Variants in MLLT10 observed in about 807,000 individuals in gnomAD.
MLLT10 encodes the protein MLLT10 histone lysine methyltransferase DOT1L cofactor, also known as protein AF-10.
A neutral mutation model predicts 129.1 loss-of-function variants in MLLT10; 30 were observed. The observed-to-expected ratio is 0.23, with a 90% CI of 0.17 to 0.32. The LOEUF (loss-of-function observed/expected upper bound fraction) is 0.32, where lower values mean the gene tolerates loss of function less well. Ranked by LOEUF, MLLT10 falls within the 10% of genes least tolerant of loss-of-function variation. The pLI, the probability that MLLT10 is intolerant of heterozygous loss-of-function variation, is 1.00. For synonymous variants in MLLT10, 490 were observed against 446.4 expected (o/e 1.10, Z -1.23); for missense variants, 1,119 against 1,268.3 (o/e 0.88, Z 1.79).
At chr10:21,546,181 G>A (rs1269819723) in intron 3 of MLLT10, among the ~76,000 whole-genome samples, 2 of 151,648 alleles carry the variant, frequency 1.3e-5, no homozygotes, top group Non-Finnish European at 2.9e-5. Flanking sequence ...GGGTTCCAGT[G>A]ATTCTTGTGT....
intron 19 of MLLT10, 33 bp from the exon 20 acceptor site, chr10:21,733,735 A>C: frequency 6.3e-7 from 1 of 1,576,080 alleles, no homozygotes. Context: ...CTTAATGTCC[A>C]GTGGACTTAG....
chr10:21,579,963 A>T (rs1241230767), intron 3 of MLLT10, among the ~76,000 whole-genome samples: 2 of 150,316 alleles, frequency 1.3e-5, no homozygotes, highest in African/African-American at 2.4e-5. Context: ...TTTTTACTTC[A>T]CATGTTGTAT....
chr10:21,535,067 G>T (rs954061152), intron 2 of MLLT10, among the ~76,000 whole-genome samples: 5 of 148,354 alleles, frequency 3.4e-5, no homozygotes, highest in Non-Finnish European at 7.6e-5. Flanking sequence ...CTGCTGACTC[G>T]GCGGGGCGGG....
chr10:21,593,750 A>G (rs1463073553), intron 4 of MLLT10, among the ~76,000 whole-genome samples: 1 of 151,674 alleles, frequency 6.6e-6, no homozygotes, highest in Non-Finnish European at 1.5e-5. Context: ...AACATAGTGA[A>G]ACATGGTCTC....
At chr10:21,552,699 T>C (rs1295059761) in intron 3 of MLLT10, among the ~76,000 whole-genome samples, 4 of 152,160 alleles carry the variant, frequency 2.6e-5, no homozygotes, top group South Asian at 2.1e-4. Flanking sequence ...GCCTCTCTCA[T>C]TGCTTTCTTA....
In MLLT10 at chr10:21,599,417, C is replaced by G. The variant is rs183454308; in HGVS notation, c.405+3977C>G. On this transcript the variant is annotated intron_variant, in intron 5 of 22. Transcript: ENST00000307729. ...TGAATATACATACACACACTAATCT[C>G]TATTACTGTATCCATCTCTATATAT... Among the ~76,000 whole-genome samples, 4 of 152,222 alleles carry G rather than the reference C, an allele frequency of 2.6e-5. No homozygotes were observed. The East Asian group carries it at 7.7e-4, about 29-fold the overall frequency.
intron 8 of MLLT10, 136 bp downstream of exon 8, chr10:21,617,343 T>G (rs975072385): frequency 2.6e-6 from 1 of 382,976 alleles, no homozygotes; most frequent in African/African-American, 2.1e-5. Flanking sequence ...TAATAAAGAG[T>G]ATTTAATGAA....
rs773520543 is a variant in MLLT10, at chr10:21,713,774, A to G, written c.1702A>G (p.Ile568Val). Residue 568 changes from isoleucine (I) to valine (V), a missense_variant and splice_region_variant, in exon 14 of 23, where the codon ATT becomes GTT. Coordinates refer to ENST00000307729, the MANE Select transcript of MLLT10 (RefSeq NM_001195626.3). ...AAATAACATTTGTTTTTTTGCAGGTATTTATAACAGCAATGATGTAGCAGT... is the reference window on the plus strand; with the variant it reads ...AAATAACATTTGTTTTTTTGCAGGTGTTTATAACAGCAATGATGTAGCAGT... ...SELLNAIHNG[I>V]YNSNDVAVSF... is the part of the protein sequence containing the mutation. The G allele has an allele frequency of 1.9e-6, 3 of 1,606,684 alleles. No homozygotes were observed. The highest frequency in any genetic ancestry group is 1.1e-5 in the South Asian group (1 of 89,494).
chr10:21,685,107 A>G (rs575445539), intron 13 of MLLT10, among the ~76,000 whole-genome samples: 13 of 151,506 alleles, frequency 8.6e-5, no homozygotes, highest in East Asian at 7.8e-4. Flanking sequence ...TTCTCTGGAC[A>G]CTTTTTTTTG....
At chr10:21,721,995 A>G (rs1348553312) in intron 14 of MLLT10, among the ~76,000 whole-genome samples, 1 of 151,882 alleles carries the variant, frequency 6.6e-6, no homozygotes, top group East Asian at 1.9e-4. Flanking sequence ...CCTCTTTAAG[A>G]TATTATATGA....
chr10:21,711,743 AAAAC>A (rs1180776530), intron 13 of MLLT10, among the ~76,000 whole-genome samples: 3 of 152,280 alleles, frequency 2.0e-5, no homozygotes, highest in Non-Finnish European at 4.4e-5. Context: ...TCTGTCTCAG[AAAAC>A]AAACAAACAA....
chr10:21,736,836 GT>G (rs979903203), intron 21 of MLLT10, among the ~76,000 whole-genome samples: 3 of 152,186 alleles, frequency 2.0e-5, no homozygotes, highest in African/African-American at 7.2e-5. Context: ...GAAATCTGGG[GT>G]TAGTGCTGCA....
chr10:21,724,347 A>G (rs988380987), intron 14 of MLLT10, among the ~76,000 whole-genome samples: 8 of 152,230 alleles, frequency 5.3e-5, no homozygotes, highest in Admixed American at 3.9e-4. Flanking sequence ...CCAAGATGCA[A>G]TGTCATGATG....
rs1197942786 is a variant in MLLT10, at chr10:21,717,888, T to TCTCCTCCTCCTC, written c.1878+3950_1878+3961dup. ...TTCTCCTCCTCCTTCTCCTCCTCCT[T>TCTCCTCCTCCTC]CTCCTCCTCCTCCTCCTCCTCCTTC... is the stretch of plus-strand genomic sequence containing the variant. On this transcript the variant is annotated intron_variant, in intron 14 of 22. Transcript: ENST00000307729. Among the ~76,000 whole-genome samples the TCTCCTCCTCCTC allele has an allele frequency of 9.1e-4, 69 of 75,972 alleles. 1 individual carries two copies. Among genetic ancestry groups the TCTCCTCCTCCTC allele is most frequent in the African/African-American group, 1.4e-3 (25 of 18,232 alleles). 49.8% of individuals were successfully genotyped at this position (75,972 alleles called of 152,430 possible). A position where few individuals can be genotyped will look rare whatever the true frequency, so the allele number is the denominator to read the frequency against.
chr10:21,681,213 T>C (rs1410806476), intron 11 of MLLT10, 119 bp from the exon 12 acceptor site: 2 of 1,250,464 alleles, frequency 1.6e-6, no homozygotes, highest in Non-Finnish European at 2.3e-6. Context: ...AAGTTCTAGG[T>C]GGCCTACTTA....
In MLLT10 at chr10:21,726,284, C is replaced by T. The variant is rs751953339; in HGVS notation, c.1919C>T (p.Ser640Phe). 6.2e-7 allele frequency: 1 copy of T among 1,613,198 alleles called. No homozygotes were observed. Among genetic ancestry groups the T allele is most frequent in the South Asian group, 1.1e-5 (1 of 90,986 alleles). ...GGATCTTCTCTCAGTCAGGCACCAT[C>T]TCATATGTATGGCAATAGATCAAAT... ...LSGSSLSQAP[S>F]HMYGNRSNSS... The change falls in exon 15 of 23, where the codon TCT becomes TTT. Residue 640 changes from serine to phenylalanine, a missense_variant. Ser to Phe is a radical substitution (Grantham distance 155, BLOSUM62 -2). Around this residue, in one of 5 missense-constraint regions of MLLT10, gnomAD observed 1,004 missense variants for 1,008.7 expected, o/e 1.00. Transcript: ENST00000307729.
chr10:21,731,249 A>G (rs1050402379), intron 17 of MLLT10, among the ~76,000 whole-genome samples, 195 bp downstream of exon 17: 1 of 152,156 alleles, frequency 6.6e-6, no homozygotes, highest in Non-Finnish European at 1.5e-5. Flanking sequence ...TTGGACTTGA[A>G]TCCTGTCTTT....
intron 13 of MLLT10, among the ~76,000 whole-genome samples, chr10:21,695,049 A>ACTTT (rs1053902653): frequency 7.0e-6 from 1 of 142,600 alleles, no homozygotes; most frequent in African/African-American, 2.6e-5. Flanking sequence ...TCTTTCACTG[A>ACTTT]CTTTCTACCT....
chr10:21,640,185 A>G (rs901873730), intron 8 of MLLT10, among the ~76,000 whole-genome samples: 1 of 144,996 alleles, frequency 6.9e-6, no homozygotes, highest in East Asian at 2.0e-4. Context: ...AATATCAAAT[A>G]TTATTATATA....
Sources: gnomAD v4.1 joint callset for allele counts (sites outside exome capture counted in the v4.1 genomes callset) on GRCh38, gnomAD v4.1.1 for gene constraint, gnomAD v4.1.1 regional missense constraint, MANE v1.5 for transcripts, NCBI Gene and HGNC (gene_info 2026-07-23, HGNC 2026-07-21) for gene names.